Variants in RNF144B observed in about 807,000 individuals in gnomAD.
The protein encoded by RNF144B is E3 ubiquitin-protein ligase RNF144B.
Under a neutral mutation model 40.2 loss-of-function variants are expected in RNF144B, and 25 were observed. That is an observed-to-expected ratio of 0.62 (90% CI 0.45 to 0.87). The LOEUF (loss-of-function observed/expected upper bound fraction) is 0.87, where lower values mean the gene tolerates loss of function less well. RNF144B is among the 40% of genes least tolerant of loss of function. The probability of loss-of-function intolerance (pLI) is 0.00; values close to 1 mark genes in which losing one functional copy is unlikely to be tolerated. For missense variants in RNF144B, 365 were observed against 373.7 expected, an observed-to-expected ratio of 0.98 and a Z score of 0.19; for synonymous variants, 145 against 136.3, an observed-to-expected ratio of 1.06 and a Z score of -0.44.
In RNF144B at chr6:18,398,398, G is replaced by A. The variant is rs1421212905; in HGVS notation, c.-36-1101G>A. ...TTTTTAATTTTTTATTTTTTGAGAC[G>A]TTTCATTCTGTCACCCAGGCTGGAG... On this transcript the variant is annotated intron_variant, in intron 1 of 7. Transcript: ENST00000259939. This position sits in a 1 kb window ranked among gnomAD's most constrained non-coding sequence, Gnocchi z 5.0. Among the ~76,000 whole-genome samples the A allele has an allele frequency of 6.6e-6, 1 of 151,820 alleles. No homozygotes were observed. Among genetic ancestry groups the A allele is most frequent in the Non-Finnish European group, 1.5e-5 (1 of 67,988 alleles).
chr6:18,461,944 G>GAGTT (rs151159044), intron 6 of RNF144B, among the ~76,000 whole-genome samples: 10 of 152,268 alleles, frequency 6.6e-5, no homozygotes, highest in African/African-American at 2.4e-4. Context: ...TTCAGAGGAT[G>GAGTT]AGTTACGCTT....
rs950616898 is a variant in RNF144B at position 18,446,326 on chromosome 6, C to T, written c.331+6582C>T. On this transcript the variant is annotated intron_variant, in intron 4 of 7. Coordinates refer to ENST00000259939, the MANE Select transcript of RNF144B (RefSeq NM_182757.4). This position sits in a 1 kb window ranked among gnomAD's most constrained non-coding sequence, Gnocchi z 4.7. Reference sequence around the variant, plus strand: ...CCATTGGCTTTTCCTTGTATCTGCTCTTCTAGGAGCTGAGCTGAAGGGCAT... The same window carrying T: ...CCATTGGCTTTTCCTTGTATCTGCTTTTCTAGGAGCTGAGCTGAAGGGCAT... Among the ~76,000 whole-genome samples, 1 of 152,136 alleles carries T rather than the reference C, an allele frequency of 6.6e-6. No individual in the cohort carries two copies. The highest frequency in any genetic ancestry group is 2.1e-4 in the South Asian group (1 of 4,818).
rs1327029612 is a variant in RNF144B at position 18,446,532 on chromosome 6, T to C, written c.331+6788T>C. ...CACCTGAATGTAGGGCTGAACAAAA[T>C]AGAACTTGGCTACATATGCTACCAT... On this transcript the variant is annotated intron_variant, in intron 4 of 7. Transcript: ENST00000259939. The surrounding 1 kb of genome is among the most constrained non-coding windows in gnomAD (Gnocchi z 4.7). Among the ~76,000 whole-genome samples the C allele has an allele frequency of 2.0e-5, 3 of 152,184 alleles. No individual in the cohort carries two copies. The highest frequency in any genetic ancestry group is 7.2e-5 in the African/African-American group (3 of 41,446).
In RNF144B at chr6:18,456,269, G is replaced by A. The variant is rs1759324141; in HGVS notation, c.332-886G>A. On this transcript the variant is annotated intron_variant, in intron 4 of 7. Coordinates refer to ENST00000259939, the MANE Select transcript of RNF144B (RefSeq NM_182757.4). The surrounding 1 kb of genome is among the most constrained non-coding windows in gnomAD (Gnocchi z 4.7). ...TGTCCCTAAGTTGCACATTGGTAGG[G>A]AGCAGAATATCCAAACTGACAGGTA... 6.6e-6 allele frequency among the ~76,000 whole-genome samples: 1 copy of A among 152,150 alleles called. No individual in the cohort carries two copies. The highest frequency in any genetic ancestry group is 2.1e-4 in the South Asian group (1 of 4,830).
chr6:18,392,375 C>A (rs1053566437), intron 1 of RNF144B, among the ~76,000 whole-genome samples: 3 of 152,038 alleles, frequency 2.0e-5, no homozygotes, highest in Non-Finnish European at 4.4e-5. Context: ...TTATTCATAA[C>A]CTAATTTCAA....
Position 18,443,749 on chromosome 6 carries a change from A to G in RNF144B, c.331+4005A>G, listed in dbSNP as rs1298080756. ...CTAAACTTTATCTAAATTATGTAAA[A>G]TAGACTTCTTATCTACCTCAAACTC... On this transcript the variant is annotated intron_variant, in intron 4 of 7. Transcript: ENST00000259939. This position sits in a 1 kb window ranked among gnomAD's most constrained non-coding sequence, Gnocchi z 4.7. Among the ~76,000 whole-genome samples, 2 of 152,204 alleles carry G rather than the reference A, an allele frequency of 1.3e-5. No individual in the cohort carries two copies. The highest frequency in any genetic ancestry group is 3.8e-4 in the East Asian group (2 of 5,200).
At chr6:18,462,648 C>T (rs1324558) in intron 6 of RNF144B, among the ~76,000 whole-genome samples, 49,913 of 151,166 alleles carry the variant, frequency 0.33, 8,843 homozygotes, top group East Asian at 0.5. Context: ...GCTAGTTTCT[C>T]TGCTGAGGTC....
Position 18,446,303 on chromosome 6 carries a change from A to G in RNF144B, c.331+6559A>G, listed in dbSNP as rs1487292064. Among the ~76,000 whole-genome samples, 6 of 152,130 alleles carry G rather than the reference A, an allele frequency of 3.9e-5. No homozygotes were observed. Among genetic ancestry groups the G allele is most frequent in the Non-Finnish European group, 5.9e-5 (4 of 68,018 alleles). On this transcript the variant is annotated intron_variant, in intron 4 of 7. Transcript: ENST00000259939. The surrounding 1 kb of genome is among the most constrained non-coding windows in gnomAD (Gnocchi z 4.7). ...AAAAAACCCAGCTCTTTTACCTTCC[A>G]TTGGCTTTTCCTTGTATCTGCTCTT...
intron 3 of RNF144B, among the ~76,000 whole-genome samples, chr6:18,433,521 G>A (rs1248077504): frequency 6.6e-6 from 1 of 152,220 alleles, no homozygotes; most frequent in African/African-American, 2.4e-5. Context: ...TGTGTCACAT[G>A]AGTGTATGGA....
At chr6:18,463,838 C>T (rs1346824280) in intron 7 of RNF144B, among the ~76,000 whole-genome samples, 1 of 152,136 alleles carries the variant, frequency 6.6e-6, no homozygotes, top group Non-Finnish European at 1.5e-5. Flanking sequence ...ACAATCATGG[C>T]AGAAGGCAAA....
chr6:18,397,080 A>C (rs886342872), intron 1 of RNF144B, among the ~76,000 whole-genome samples: 3 of 152,226 alleles, frequency 2.0e-5, no homozygotes, highest in African/African-American at 7.2e-5. Flanking sequence ...TCTGGTACTG[A>C]GTACTGGGAG....
chr6:18,459,902 C>G lies in RNF144B; in HGVS notation c.681+151C>G, dbSNP rs1759414772. The G allele has an allele frequency of 2.9e-6, 2 of 693,868 alleles. No individual in the cohort carries two copies. 43.0% of individuals were successfully genotyped at this position (693,868 alleles called of 1,614,324 possible). ...TTAATGAGACTTACTAAGCCTGATA[C>G]TTTAGATATCTAAAAACATCTTTTT... On this transcript the variant is annotated intron_variant, in intron 6 of 7. Coordinates refer to ENST00000259939, the MANE Select transcript of RNF144B (RefSeq NM_182757.4). This position sits in a 1 kb window ranked among gnomAD's most constrained non-coding sequence, Gnocchi z 4.2.
Position 18,459,216 on chromosome 6 carries a change from C to A in RNF144B, c.537-391C>A, listed in dbSNP as rs539596948. Among the ~76,000 whole-genome samples, 1 of 152,272 alleles carries A rather than the reference C, an allele frequency of 6.6e-6. No homozygotes were observed. Among genetic ancestry groups the A allele is most frequent in the Admixed American group, 6.5e-5 (1 of 15,302 alleles). On this transcript the variant is annotated intron_variant, in intron 5 of 7. Coordinates refer to ENST00000259939, the MANE Select transcript of RNF144B (RefSeq NM_182757.4). This position sits in a 1 kb window ranked among gnomAD's most constrained non-coding sequence, Gnocchi z 4.2. ...ATTTTAAAGTGTTTATATTTGAGAA[C>A]CCCTTCTCCATTTGTCTAATGAACA...
At chr6:18,421,273 TACACAC>T (rs1170609706) in intron 2 of RNF144B, among the ~76,000 whole-genome samples, 7,211 of 102,144 alleles carry the variant, frequency 0.071, 253 homozygotes, top group Non-Finnish European at 0.095. Context: ...TTATATATTA[TACACAC>T]ACACACACAC....
chr6:18,423,780 A>G (rs995139744), intron 2 of RNF144B, among the ~76,000 whole-genome samples: 3 of 152,262 alleles, frequency 2.0e-5, no homozygotes, highest in East Asian at 1.9e-4. Context: ...ATTATTTTGC[A>G]TGACCCTTCA....
intron 3 of RNF144B, among the ~76,000 whole-genome samples, chr6:18,435,329 A>G (rs1373929845): frequency 1.3e-5 from 2 of 152,236 alleles, no homozygotes; most frequent in Non-Finnish European, 2.9e-5. Flanking sequence ...CTGCTCGAAT[A>G]TGGATTTGGT....
chr6:18,440,096 A>G (rs1758925863), intron 4 of RNF144B, among the ~76,000 whole-genome samples: 1 of 152,156 alleles, frequency 6.6e-6, no homozygotes, highest in Non-Finnish European at 1.5e-5. Context: ...CTTGAAGATC[A>G]CTTCGAAACA....
intron 2 of RNF144B, 108 bp from the exon 3 acceptor site, chr6:18,427,473 A>G: frequency 3.1e-6 from 2 of 644,360 alleles, no homozygotes; most frequent in Non-Finnish European, 2.7e-6. Flanking sequence ...TGAGTACAAG[A>G]GCCTCAGGAC....
At chr6:18,429,885 G>A (rs34671985) in intron 3 of RNF144B, among the ~76,000 whole-genome samples, 18,236 of 152,092 alleles carry the variant, frequency 0.12, 1,298 homozygotes, top group Admixed American at 0.19. Context: ...AGAAAGGCCC[G>A]CTAGTGCTCT....
Sources: gnomAD v4.1 joint callset for allele counts (sites outside exome capture counted in the v4.1 genomes callset) on GRCh38, gnomAD v4.1.1 for gene constraint, Gnocchi (gnomAD v3.1) non-coding constraint, MANE v1.5 for transcripts, NCBI Gene and HGNC (gene_info 2026-07-23, HGNC 2026-07-21) for gene names.